MAT1A: variants seen among roughly 807,000 people sequenced by gnomAD.
The protein encoded by MAT1A is S-adenosylmethionine synthase isoform type-1.
MAT1A carries 19 observed loss-of-function variants against 44.0 expected under a neutral mutation model. The ratio of observed to expected loss-of-function variants is 0.43; its 90% CI spans 0.30 to 0.63. MAT1A has a LOEUF of 0.63. Among genes scored for constraint, MAT1A ranks in the 30% least tolerant of loss-of-function variants. MAT1A has a pLI of 0.12. For missense variants in MAT1A, 397 were observed against 531.0 expected, an observed-to-expected ratio of 0.75 and a Z score of 2.48; for synonymous variants, 205 against 205.6, an observed-to-expected ratio of 1.00 and a Z score of 0.03.
rs777071220 is a variant in MAT1A at position 80,274,653 on chromosome 10, C to T, written c.952G>A (p.Val318Ile). 1.2e-6 allele frequency: 2 copies of T among 1,614,130 alleles called. No individual in the cohort carries two copies. Among genetic ancestry groups the T allele is most frequent in the East Asian group, 2.2e-5 (1 of 44,880 alleles). The change falls in exon 8 of 9, where the codon GTT becomes ATT. Residue 318 changes from valine to isoleucine, a missense_variant and splice_region_variant. Transcript: ENST00000372213. ...TCGGCCACACCAATGGCATAGGAAA[C>T]CTTCCAGCAAGGTGCAGCGTCAGGG... ...AGLCRRVLVQ[V>I]SYAIGVAEPL...
In MAT1A at chr10:80,289,495, T is replaced by TTTCTTCTTCTTCTTC. The variant is rs10694757; in HGVS notation, c.-87_-73dup. ...GGCTGTGACTTTGCCTGAGTTTTTT[T>TTTCTTCTTCTTCTTC]TTCTTCTTCTTCTTCTTCTTTCAAC... is the stretch of plus-strand genomic sequence containing the variant. On this transcript the variant is annotated 5_prime_UTR_variant, in exon 1 of 9. Transcript: ENST00000372213. 1.3e-5 allele frequency: 11 copies of TTTCTTCTTCTTCTTC among 864,194 alleles called. No homozygotes were observed. In the African/African-American group the frequency reaches 1.7e-4, roughly 13 times the overall value. 53.5% of individuals were successfully genotyped at this position (864,194 alleles called of 1,614,324 possible).
chr10:80,284,777 A>C (rs1841620249), intron 2 of MAT1A, among the ~76,000 whole-genome samples: 1 of 152,222 alleles, frequency 6.6e-6, no homozygotes, highest in Admixed American at 6.5e-5. Context: ...TCCAGAGTCC[A>C]TGACTCTGCC....
Position 80,273,341 on chromosome 10 carries a change from G to C in MAT1A, c.*440C>G. On this transcript the variant is annotated 3_prime_UTR_variant, in exon 9 of 9. Transcript: ENST00000372213. The stretch of plus-strand genomic sequence containing the variant: ...GGGGCTTTCTGGAGACCCTGGCTCA[G>C]GGCACTGGCTGCCTGTGAAAGGGGG... The C allele has an allele frequency of 3.8e-6, 1 of 264,994 alleles. No homozygotes were observed. Among genetic ancestry groups the C allele is most frequent in the East Asian group, 9.6e-5 (1 of 10,454 alleles). 16.4% of individuals were successfully genotyped at this position (264,994 alleles called of 1,614,324 possible). A position where few individuals can be genotyped will look rare whatever the true frequency, so the allele number is the denominator to read the frequency against.
At chr10:80,286,381 C>A (rs577954121) in intron 1 of MAT1A, among the ~76,000 whole-genome samples, 29 of 152,260 alleles carry the variant, frequency 1.9e-4, no homozygotes, top group South Asian at 1.7e-3. Flanking sequence ...TAAAACACCA[C>A]ACCCAAGTAC....
intron 3 of MAT1A, among the ~76,000 whole-genome samples, 160 bp from the exon 4 acceptor site, chr10:80,280,952 T>C (rs1385774840): frequency 6.6e-6 from 1 of 152,092 alleles, no homozygotes; most frequent in African/African-American, 2.4e-5. Flanking sequence ...AGGCCCAGGA[T>C]GGGAGAGGCC....
chr10:80,274,461 T>A lies in MAT1A; in HGVS notation c.1085+59A>T, dbSNP rs1045008704. On this transcript the variant is annotated intron_variant, in intron 8 of 8. Transcript: ENST00000372213. ...CTTTCTGCCTCCCTTTCAGGTGAGGTGAGCATCTGGGCAAGGAAGGAGCAA... is the reference window on the plus strand; with the variant it reads ...CTTTCTGCCTCCCTTTCAGGTGAGGAGAGCATCTGGGCAAGGAAGGAGCAA... 1.9e-5 allele frequency: 31 copies of A among 1,611,078 alleles called. No homozygotes were observed. In the Admixed American group the frequency reaches 4.7e-4, roughly 24 times the overall value.
At chr10:80,273,965 G>T in intron 8 of MAT1A, 82 bp from the exon 9 acceptor site, 1 of 990,620 alleles carries the variant, frequency 1.0e-6, no homozygotes, top group Non-Finnish European at 1.6e-6. Flanking sequence ...ACAGGAGGGA[G>T]CAACGAACTG....
At chr10:80,274,934 CG>C in intron 7 of MAT1A, 82 bp downstream of exon 7, 1 of 1,481,520 alleles carries the variant, frequency 6.7e-7, no homozygotes, top group Non-Finnish European at 9.2e-7. Flanking sequence ...GCTTTCCCAC[CG>C]GGCCAACATC....
chr10:80,282,706 C>T (rs1478909963), intron 3 of MAT1A, among the ~76,000 whole-genome samples: 1 of 152,182 alleles, frequency 6.6e-6, no homozygotes, highest in Non-Finnish European at 1.5e-5. Context: ...CTGTCATGCA[C>T]TCAACCAATA....
chr10:80,281,990 A>T (rs1285860497), intron 3 of MAT1A, among the ~76,000 whole-genome samples: 2 of 152,020 alleles, frequency 1.3e-5, no homozygotes, highest in African/African-American at 4.8e-5. Flanking sequence ...CCAGGAACTT[A>T]CCCCAGGGCA....
At chr10:80,282,140 T>G (rs1841575253) in intron 3 of MAT1A, among the ~76,000 whole-genome samples, 1 of 152,242 alleles carries the variant, frequency 6.6e-6, no homozygotes, top group South Asian at 2.1e-4. Flanking sequence ...TGTTCTGCAC[T>G]GAACATTTCA....
chr10:80,274,091 G>A (rs529909038), intron 8 of MAT1A, among the ~76,000 whole-genome samples: 9 of 152,254 alleles, frequency 5.9e-5, no homozygotes, highest in Admixed American at 3.3e-4. Context: ...AGAGGTTCAG[G>A]GACCAGGATC....
At chr10:80,282,716 A>G (rs1034649696) in intron 3 of MAT1A, among the ~76,000 whole-genome samples, 101 of 152,122 alleles carry the variant, frequency 6.6e-4, no homozygotes, top group Non-Finnish European at 1.2e-3. Flanking sequence ...CTCAACCAAT[A>G]TTAATTGCTC....
In MAT1A at chr10:80,280,300, T is replaced by A; in HGVS notation, c.422A>T (p.Tyr141Phe). Residue 141 changes from tyrosine (Y) to phenylalanine (F), a missense_variant, in exon 5 of 9, where the codon TAT becomes TTT. Coordinates refer to ENST00000372213, the MANE Select transcript of MAT1A (RefSeq NM_000429.3). ...GCACTCCTCTGTCTCGTCGGTAGCATAGCCGAACATCAAACCCTGTGGCGA... is the reference window on the plus strand; with the variant it reads ...GCACTCCTCTGTCTCGTCGGTAGCAAAGCCGAACATCAAACCCTGTGGCGA... Reference protein sequence around the residue: ...GAGDQGLMFGYATDETEECMP... With the variant: ...GAGDQGLMFGFATDETEECMP... 1.9e-6 allele frequency: 3 copies of A among 1,614,002 alleles called. No homozygotes were observed. Among genetic ancestry groups the A allele is most frequent in the Non-Finnish European group, 2.5e-6 (3 of 1,179,988 alleles).
rs373667423 is a variant in MAT1A at position 80,285,499 on chromosome 10, G to T, written c.169+13C>A. 6 of 1,611,708 alleles carry T rather than the reference G, an allele frequency of 3.7e-6. No individual in the cohort carries two copies. In the African/African-American group the frequency reaches 8.0e-5, roughly 22 times the overall value. On this transcript the variant is annotated intron_variant, in intron 2 of 8. Transcript: ENST00000372213. Reference sequence around the variant, plus strand: ...CTTAGGTCTCCAGCAGGGAGGGATCGGGTGTTTCTTACCACAGGCCACCTT... The same window carrying T: ...CTTAGGTCTCCAGCAGGGAGGGATCTGGTGTTTCTTACCACAGGCCACCTT...
At position 80,276,373 on chromosome 10, in the gene MAT1A, C is replaced by A; in HGVS notation, c.768+3G>T. On this transcript the variant is annotated splice_donor_region_variant and intron_variant, in intron 6 of 8. Coordinates refer to ENST00000372213, the MANE Select transcript of MAT1A (RefSeq NM_000429.3). ...AGGGCTTCGTTCAGAGACAAGAATG[C>A]ACCTGGGGACCTCCGATGACAAACC... 1 of 1,613,958 alleles carries A rather than the reference C, an allele frequency of 6.2e-7. No individual in the cohort carries two copies.
At chr10:80,289,233 G>A (rs1841688494) in intron 1 of MAT1A, 100 bp downstream of exon 1, 2 of 941,000 alleles carry the variant, frequency 2.1e-6, no homozygotes, top group Non-Finnish European at 3.5e-6. Flanking sequence ...CCATAAATAT[G>A]CACAATTATT....
At chr10:80,289,075 C>A (rs1214771031) in intron 1 of MAT1A, among the ~76,000 whole-genome samples, 1 of 152,166 alleles carries the variant, frequency 6.6e-6, no homozygotes, top group African/African-American at 2.4e-5. Context: ...CATTCCATTG[C>A]GCAGTAGGGT....
At chr10:80,280,906 C>T (rs895931092) in intron 3 of MAT1A, 114 bp from the exon 4 acceptor site, 16 of 779,114 alleles carry the variant, frequency 2.1e-5, no homozygotes, top group Non-Finnish European at 2.3e-5. Flanking sequence ...CGTGGGGGTT[C>T]CCTAACTAGC....
Sources: gnomAD v4.1 joint callset for allele counts (sites outside exome capture counted in the v4.1 genomes callset) on GRCh38, gnomAD v4.1.1 for gene constraint, MANE v1.5 for transcripts, NCBI Gene and HGNC (gene_info 2026-07-23, HGNC 2026-07-21) for gene names.